Variants in GPRC5B observed in about 807,000 individuals in gnomAD.
GPRC5B encodes G protein-coupled receptor class C group 5 member B.
Under a neutral mutation model 30.1 loss-of-function variants are expected in GPRC5B, and 16 were observed. The ratio of observed to expected loss-of-function variants is 0.53; its 90% CI spans 0.36 to 0.81. The LOEUF is 0.81. GPRC5B is among the 30% of genes least tolerant of loss of function. The pLI is 0.01. For synonymous variants in GPRC5B, 241 were observed against 239.5 expected, an observed-to-expected ratio of 1.01 and a Z score of -0.06; for missense variants, 428 against 544.7, an observed-to-expected ratio of 0.79 and a Z score of 2.13.
At chr16:19,885,451 T>C, upstream of GPRC5B, 2 of 1,134,746 alleles carry the variant, frequency 1.8e-6, no homozygotes, top group South Asian at 1.7e-5. The surrounding 1 kb of genome is among the most constrained non-coding windows in gnomAD (Gnocchi z 5.3). Flanking sequence ...CTCTCCTCAC[T>C]GCCCAACTCC....
chr16:19,872,980 T>A lies in GPRC5B; in HGVS notation c.-1-134A>T, dbSNP rs939249544. The A allele has an allele frequency of 1.5e-6, 1 of 645,572 alleles. No individual in the cohort carries two copies. The allele number at this position is 645,572 out of a possible 1,614,324, so 40.0% of individuals were successfully genotyped here. ...AGCGCACACGGCACCTTTGCACACA[T>A]AGGAAAACGTGCTCCTTTCCTCAGG... is the stretch of plus-strand genomic sequence containing the variant. On this transcript the variant is annotated intron_variant, in intron 1 of 3. Transcript: ENST00000300571. The surrounding 1 kb of genome is among the most constrained non-coding windows in gnomAD (Gnocchi z 5.0).
At position 19,858,294 on chromosome 16, in the gene GPRC5B, C is replaced by T. The variant is rs1043246174; in HGVS notation, c.*2206G>A. On this transcript the variant is annotated 3_prime_UTR_variant, in exon 4 of 4. Coordinates refer to ENST00000300571, the MANE Select transcript of GPRC5B (RefSeq NM_016235.3). ...TTAAAAGCCAAAATAAAACAAAACCCTAAGTGCGATAACATATCAGATTTA... is the reference window on the plus strand; with the variant it reads ...TTAAAAGCCAAAATAAAACAAAACCTTAAGTGCGATAACATATCAGATTTA... The T allele has an allele frequency of 2.3e-6, 1 of 427,846 alleles. No homozygotes were observed. Among genetic ancestry groups the T allele is most frequent in the East Asian group, 3.5e-5 (1 of 28,542 alleles). The allele number at this position is 427,846 out of a possible 1,614,324, so 26.5% of individuals were successfully genotyped here.
At chr16:19,885,539 G>T, upstream of GPRC5B, 1 of 1,102,786 alleles carries the variant, frequency 9.1e-7, no homozygotes, top group South Asian at 2.1e-5. The surrounding 1 kb of genome is among the most constrained non-coding windows in gnomAD (Gnocchi z 5.3). Flanking sequence ...CGTCCAGTCG[G>T]TGCACCCCTC....
chr16:19,866,582 G>A (rs1221991805), intron 2 of GPRC5B, among the ~76,000 whole-genome samples: 4 of 151,276 alleles, frequency 2.6e-5, no homozygotes, highest in East Asian at 2.0e-4. Context: ...GTGTCGCCAC[G>A]TTGCCCAGGT....
Position 19,859,730 on chromosome 16 carries a change from A to C in GPRC5B, c.*770T>G, listed in dbSNP as rs918620517. On this transcript the variant is annotated 3_prime_UTR_variant, in exon 4 of 4. Transcript: ENST00000300571. ...CAAGGGAAGAAGGGACTGCTGCCCCAAGCCAGAATATTTCTATGGCTCTAC... is the reference window on the plus strand; with the variant it reads ...CAAGGGAAGAAGGGACTGCTGCCCCCAGCCAGAATATTTCTATGGCTCTAC... 5 of 152,770 alleles carry C rather than the reference A, an allele frequency of 3.3e-5. No individual in the cohort carries two copies. The highest frequency in any genetic ancestry group is 1.2e-4 in the African/African-American group (5 of 41,474). The allele number at this position is 152,770 out of a possible 1,614,324, so 9.5% of individuals were successfully genotyped here. A position where few individuals can be genotyped will look rare whatever the true frequency, so the allele number is the denominator to read the frequency against.
In GPRC5B at chr16:19,857,787, A is replaced by T. The variant is rs2056581373; in HGVS notation, c.*2713T>A. The T allele has an allele frequency of 6.5e-6, 1 of 154,742 alleles. No homozygotes were observed. Among genetic ancestry groups the T allele is most frequent in the Admixed American group, 6.6e-5 (1 of 15,174 alleles). 9.6% of individuals were successfully genotyped at this position (154,742 alleles called of 1,614,324 possible). ...AAAAGCACTGGGCGCCCAGCTTCCAACAACCAGATCTTCAACTCTGGAATC... is the reference window on the plus strand; with the variant it reads ...AAAAGCACTGGGCGCCCAGCTTCCATCAACCAGATCTTCAACTCTGGAATC... On this transcript the variant is annotated 3_prime_UTR_variant, in exon 4 of 4. Coordinates refer to ENST00000300571, the MANE Select transcript of GPRC5B (RefSeq NM_016235.3).
At chr16:19,868,334 T>C (rs1271403434) in intron 2 of GPRC5B, among the ~76,000 whole-genome samples, 1 of 151,614 alleles carries the variant, frequency 6.6e-6, no homozygotes, top group African/African-American at 2.4e-5. Context: ...GATCATGCCA[T>C]TGCACTCCAG....
upstream of GPRC5B, chr16:19,885,507 C>A (rs2056843081): frequency 8.9e-7 from 1 of 1,128,396 alleles, no homozygotes; most frequent in Admixed American, 4.3e-5. This position sits in a 1 kb window ranked among gnomAD's most constrained non-coding sequence, Gnocchi z 5.3. Flanking sequence ...ACACCCGCTT[C>A]CTTGGCCCCT....
At position 19,872,528 on chromosome 16, in the gene GPRC5B, G is replaced by A; in HGVS notation, c.318C>T (p.Leu106=). Residue 106 remains leucine, a synonymous_variant, in exon 2 of 4, where the codon CTC becomes CTT. Coordinates refer to ENST00000300571, the MANE Select transcript of GPRC5B (RefSeq NM_016235.3). The surrounding 1 kb of genome is among the most constrained non-coding windows in gnomAD (Gnocchi z 5.0). ...TGATGAAGGCAAACGTCAGCCCAAA[G>A]AGGCCCAGGGTCCCCAGGAGGAACA... ...HFLFLLGTLG[L]FGLTFAFIIQ... is the part of the protein sequence containing the mutation. 6.2e-7 allele frequency: 1 copy of A among 1,614,072 alleles called. No individual in the cohort carries two copies. Among genetic ancestry groups the A allele is most frequent in the Non-Finnish European group, 8.5e-7 (1 of 1,179,912 alleles).
At position 19,866,450 on chromosome 16, in the gene GPRC5B, C is replaced by T. The variant is rs112696393; in HGVS notation, c.1031-4477G>A. On this transcript the variant is annotated intron_variant, in intron 2 of 3. Coordinates refer to ENST00000300571, the MANE Select transcript of GPRC5B (RefSeq NM_016235.3). ...CAGCTCACTGTAACCTCTGCCTCCCCGGTTCAAGCGATTCTCCCACCTCAG... is the reference window on the plus strand; with the variant it reads ...CAGCTCACTGTAACCTCTGCCTCCCTGGTTCAAGCGATTCTCCCACCTCAG... Among the ~76,000 whole-genome samples, 870 of 152,138 alleles carry T rather than the reference C, an allele frequency of 5.7e-3. 10 individuals are homozygous for T. Among genetic ancestry groups the T allele is most frequent in the African/African-American group, 0.02 (818 of 41,502 alleles).
intron 1 of GPRC5B, among the ~76,000 whole-genome samples, chr16:19,873,928 C>T (rs1485944337): frequency 4.6e-5 from 7 of 152,146 alleles, no homozygotes; most frequent in South Asian, 2.1e-4. Flanking sequence ...TACAGGCGTG[C>T]GCCACCACGC....
At chr16:19,884,996 G>A, upstream of GPRC5B, 1 of 581,186 alleles carries the variant, frequency 1.7e-6, no homozygotes. Context: ...GGTTCCGCGC[G>A]GGGCTAGGCG....
chr16:19,860,415 T>G lies in GPRC5B; in HGVS notation c.*85A>C, dbSNP rs2056611446. 1.2e-6 allele frequency: 1 copy of G among 857,500 alleles called. No homozygotes were observed. Among genetic ancestry groups the G allele is most frequent in the South Asian group, 1.4e-5 (1 of 69,218 alleles). The allele number at this position is 857,500 out of a possible 1,614,324, so 53.1% of individuals were successfully genotyped here. Reference sequence around the variant, plus strand: ...CTGTGAGGCGGCCTGGTTCGGCAACTGTTACCGATTTCTCCCTCAAGAAAG... The same window carrying G: ...CTGTGAGGCGGCCTGGTTCGGCAACGGTTACCGATTTCTCCCTCAAGAAAG... On this transcript the variant is annotated 3_prime_UTR_variant, in exon 4 of 4. Transcript: ENST00000300571.
intron 1 of GPRC5B, among the ~76,000 whole-genome samples, chr16:19,877,774 C>T (rs950604423): frequency 2.0e-5 from 3 of 152,188 alleles, no homozygotes; most frequent in South Asian, 2.1e-4. Flanking sequence ...TCCAAGGTCA[C>T]GCAGCTACAA....
Position 19,869,700 on chromosome 16 carries a change from C to T in GPRC5B, c.1030+2116G>A, listed in dbSNP as rs138035074. 6.5e-4 allele frequency among the ~76,000 whole-genome samples: 99 copies of T among 152,234 alleles called. No individual in the cohort carries two copies. In the East Asian group the frequency reaches 0.017, roughly 26 times the overall value. Reference sequence around the variant, plus strand: ...GTACCCAGATAACATCCATCTCAAGCGCTCAGCAAGTCTGTTTTTCTGCCT... The same window carrying T: ...GTACCCAGATAACATCCATCTCAAGTGCTCAGCAAGTCTGTTTTTCTGCCT... On this transcript the variant is annotated intron_variant, in intron 2 of 3. Transcript: ENST00000300571.
At chr16:19,864,911 A>AT (rs1163249399) in intron 2 of GPRC5B, among the ~76,000 whole-genome samples, 16,637 of 126,042 alleles carry the variant, frequency 0.13, 1,333 homozygotes, top group Non-Finnish European at 0.17. Context: ...GCCCGGTCTC[A>AT]TTTTTTTTTT....
At position 19,858,527 on chromosome 16, in the gene GPRC5B, G is replaced by A. The variant is rs935690069; in HGVS notation, c.*1973C>T. 17 of 693,360 alleles carry A rather than the reference G, an allele frequency of 2.5e-5. No homozygotes were observed. The African/African-American group carries it at 2.5e-4, about 10-fold the overall frequency. The allele number at this position is 693,360 out of a possible 1,614,324, so 43.0% of individuals were successfully genotyped here. On this transcript the variant is annotated 3_prime_UTR_variant, in exon 4 of 4. Coordinates refer to ENST00000300571, the MANE Select transcript of GPRC5B (RefSeq NM_016235.3). ...AAAGCTCCAAAGGACTCCAGAGAGC[G>A]GGGGTGAGTAACCATTTCCTGGCAC...
At position 19,884,828 on chromosome 16, in the gene GPRC5B, C is replaced by G; in HGVS notation, c.-103G>C. 1.0e-6 allele frequency: 1 copy of G among 983,954 alleles called. No homozygotes were observed. Among genetic ancestry groups the G allele is most frequent in the Non-Finnish European group, 1.2e-6 (1 of 829,456 alleles). The allele number at this position is 983,954 out of a possible 1,614,324, so 61.0% of individuals were successfully genotyped here. A position where few individuals can be genotyped will look rare whatever the true frequency, so the allele number is the denominator to read the frequency against. On this transcript the variant is annotated 5_prime_UTR_variant, in exon 1 of 4. Transcript: ENST00000300571. ...CCCCCGCTCCACGCACGCCCGCCTG[C>G]GGGTCCAGCTTCACTGCAGCGCCTG...
chr16:19,869,008 G>C (rs961449465), intron 2 of GPRC5B, among the ~76,000 whole-genome samples: 1 of 152,124 alleles, frequency 6.6e-6, no homozygotes, highest in African/African-American at 2.4e-5. Flanking sequence ...GTGGTAGTGA[G>C]GACTAATGAG....
Sources: allele counts gnomAD v4.1 joint callset (sites outside exome capture counted in the v4.1 genomes callset), GRCh38; gene constraint gnomAD v4.1.1; non-coding constraint Gnocchi (gnomAD v3.1); transcripts MANE v1.5; gene names NCBI Gene and HGNC (gene_info 2026-07-23, HGNC 2026-07-21).